Variants in TCIRG1 observed in about 807,000 individuals in gnomAD.
TCIRG1 encodes V-type proton ATPase 116 kDa subunit a 3.
A neutral mutation model predicts 95.5 loss-of-function variants in TCIRG1; 86 were observed. The observed-to-expected ratio is 0.90, with a 90% CI of 0.76 to 1.08. The LOEUF (loss-of-function observed/expected upper bound fraction) is 1.08. Among genes scored for constraint, TCIRG1 ranks in the 50% least tolerant of loss-of-function variants. TCIRG1 has a pLI of 0.00. For synonymous variants in TCIRG1, 499 were observed against 501.3 expected (o/e 1.00, Z 0.06); for missense variants, 1,069 against 1,140.2 (o/e 0.94, Z 0.90).
intron 10 of TCIRG1, among the ~76,000 whole-genome samples, chr11:68,045,808 C>T (rs1855452695): frequency 1.3e-5 from 2 of 152,188 alleles, no homozygotes; most frequent in African/African-American, 2.4e-5. Context: ...CCACACAGGC[C>T]GTTGGGGGCC....
rs540735024 is a variant in TCIRG1, at chr11:68,045,014, C to G, written c.1077C>G (p.Pro359=). 5.6e-6 allele frequency: 9 copies of G among 1,608,600 alleles called. No homozygotes were observed. Among genetic ancestry groups the G allele is most frequent in the South Asian group, 3.3e-5 (3 of 91,086 alleles). Residue 359 remains proline, a synonymous_variant, in exon 10 of 20, where the codon CCC becomes CCG. Coordinates refer to ENST00000265686, the MANE Select transcript of TCIRG1 (RefSeq NM_006019.4). The part of the protein sequence containing the change: ...AHRIPCRDMP[P]TLIRTNRFTA... ...GCATCCCCTGCCGGGACATGCCCCC[C>G]ACACTCATCCGCACCAACCGCTTCA...
chr11:68,047,251 TG>T (rs1238017143), intron 10 of TCIRG1, among the ~76,000 whole-genome samples, 181 bp from the exon 11 acceptor site: 4 of 45,408 alleles, frequency 8.8e-5, no homozygotes, highest in Non-Finnish European at 3.9e-5. Flanking sequence ...CCTCGGGTGA[TG>T]CCCCCCCCCC....
intron 10 of TCIRG1, among the ~76,000 whole-genome samples, chr11:68,046,176 G>A (rs1490431095): frequency 6.6e-6 from 1 of 152,156 alleles, no homozygotes; most frequent in African/African-American, 2.4e-5. Flanking sequence ...GGGCAGACAC[G>A]GTCCCACAGT....
rs528045019 is a variant in TCIRG1, at chr11:68,049,753, C to G, written c.1978C>G (p.Arg660Gly). 1.9e-6 allele frequency: 3 copies of G among 1,577,458 alleles called. No individual in the cohort carries two copies. Among genetic ancestry groups the G allele is most frequent in the Admixed American group, 3.6e-5 (2 of 55,672 alleles). The change falls in exon 16 of 20, where the codon CGC becomes GGC. Residue 660 changes from arginine to glycine, a missense_variant. Physicochemically the swap from Arg to Gly is moderately radical, Grantham distance 125 (BLOSUM62 -2). Coordinates refer to ENST00000265686, the MANE Select transcript of TCIRG1 (RefSeq NM_006019.4). Reference sequence around the variant, plus strand: ...ACCCCTGCACCTGCTGCACCGCCACCGCCGCCGCCTGCGGAGGAGGCCCGC... The same window carrying G: ...ACCCCTGCACCTGCTGCACCGCCACGGCCGCCGCCTGCGGAGGAGGCCCGC... ...GTPLHLLHRHRRRLRRRPADR... is the reference protein window; with the variant it reads ...GTPLHLLHRHGRRLRRRPADR...
At chr11:68,047,390 T>A in intron 10 of TCIRG1, 43 bp from the exon 11 acceptor site, 2 of 1,610,586 alleles carry the variant, frequency 1.2e-6, no homozygotes, top group Non-Finnish European at 1.7e-6. Flanking sequence ...AGGCAGATGC[T>A]GGTGTGTTCG....
chr11:68,048,348 C>T, intron 13 of TCIRG1: 1 of 355,884 alleles, frequency 2.8e-6, no homozygotes, highest in Non-Finnish European at 5.4e-6. Context: ...GGCTGGAGTG[C>T]AGTGGTGTGA....
chr11:68,044,860 C>T, intron 9 of TCIRG1, 98 bp from the exon 10 acceptor site: 1 of 1,494,732 alleles, frequency 6.7e-7, no homozygotes, highest in Non-Finnish European at 9.2e-7. Flanking sequence ...CAGTGAGCCC[C>T]CACAGGGCTC....
At chr11:68,041,868 C>T in intron 3 of TCIRG1, 37 bp downstream of exon 3, 1 of 1,558,900 alleles carries the variant, frequency 6.4e-7, no homozygotes, top group South Asian at 1.2e-5. Flanking sequence ...AGGCAGGCTT[C>T]CTGGAGGAGG....
chr11:68,050,778 T>C lies in TCIRG1; in HGVS notation c.2452T>C (p.Tyr818His), dbSNP rs1338749193. 16 of 1,613,760 alleles carry C rather than the reference T, an allele frequency of 9.9e-6. No individual in the cohort carries two copies. Among genetic ancestry groups the C allele is most frequent in the Non-Finnish European group, 1.3e-5 (15 of 1,180,030 alleles). Residue 818 changes from tyrosine to histidine, a missense_variant, in exon 20 of 20, where the codon TAC becomes CAC. Tyr to His is a moderately conservative substitution (Grantham distance 83, BLOSUM62 2). Coordinates refer to ENST00000265686, the MANE Select transcript of TCIRG1 (RefSeq NM_006019.4). ...FQNKFYSGTG[Y>H]KLSPFTFAAT... is the part of the protein sequence containing the mutation. Reference sequence around the variant, plus strand: ...GAACAAGTTCTACTCAGGCACGGGCTACAAGCTGAGTCCCTTCACCTTCGC... The same window carrying C: ...GAACAAGTTCTACTCAGGCACGGGCCACAAGCTGAGTCCCTTCACCTTCGC...
rs1554998061 is a variant in TCIRG1, at chr11:68,047,774, T to TGGCC, written c.1435_1438dup (p.Ala480GlyfsTer11). On this transcript the variant is annotated frameshift_variant, in exon 12 of 20. Transcript: ENST00000265686. LOFTEE classifies it high-confidence loss of function. ...AGCATCTTCCCCTCGGGCTGGAGTG[T>TGGCC]GGCCGCCATGGCCAACCAGTCTGGC... 1.2e-6 allele frequency: 2 copies of TGGCC among 1,613,024 alleles called. No individual in the cohort carries two copies. Among genetic ancestry groups the TGGCC allele is most frequent in the Non-Finnish European group, 1.7e-6 (2 of 1,179,880 alleles).
chr11:68,050,109 G>C, intron 17 of TCIRG1, 28 bp from the exon 18 acceptor site: 1 of 1,612,230 alleles, frequency 6.2e-7, no homozygotes, highest in Non-Finnish European at 8.5e-7. Context: ...CTGAGGCCCT[G>C]CCGGCCCTCA....
At chr11:68,049,400 G>A in intron 15 of TCIRG1, 106 bp downstream of exon 15, 1 of 1,252,904 alleles carries the variant, frequency 8.0e-7, no homozygotes, top group Non-Finnish European at 1.1e-6. Flanking sequence ...CGGGGATGCA[G>A]GCCCCGGGCC....
chr11:68,040,875 G>A (rs1423263636), intron 1 of TCIRG1, among the ~76,000 whole-genome samples: 2 of 152,094 alleles, frequency 1.3e-5, no homozygotes, highest in Admixed American at 1.3e-4. Flanking sequence ...AGCCACCCCC[G>A]GGGCAGCCCT....
At chr11:68,045,161 G>A (rs924657421) in intron 10 of TCIRG1, 59 bp downstream of exon 10, 12 of 1,593,392 alleles carry the variant, frequency 7.5e-6, no homozygotes, top group Non-Finnish European at 8.5e-6. Context: ...CACTGGGTGG[G>A]TGTGAGCCTG....
In TCIRG1 at chr11:68,047,659, TTC is replaced by T. The variant is rs2134455003; in HGVS notation, c.1320_1321del (p.Phe441GlnfsTer48). 1.2e-6 allele frequency: 2 copies of T among 1,613,440 alleles called. No homozygotes were observed. The highest frequency in any genetic ancestry group is 1.7e-6 in the Non-Finnish European group (2 of 1,179,984). On this transcript the variant is annotated frameshift_variant, in exon 12 of 20. Transcript: ENST00000265686. LOFTEE classifies it high-confidence loss of function. ...KAAQNEIWQTFFRGRYLLLLM... is the reference protein window; with the variant it reads ...KAAQNEIWQTXFRGRYLLLLM... ...ACTGCCCCCCCAGATCTGGCAGACT[TTC>T]TTCAGGGGCCGCTACCTGCTCCTGC...
intron 1 of TCIRG1, among the ~76,000 whole-genome samples, chr11:68,039,456 TCATTTGACTCCAGAGCCCACCC>T (rs1389810279): frequency 6.6e-6 from 1 of 151,912 alleles, no homozygotes; most frequent in Non-Finnish European, 1.5e-5. Flanking sequence ...ACCAGCTGGG[TCATTTGACTCCAGAGCCCACCC>T]CATTTGGAAT....
chr11:68,049,614 G>C, intron 15 of TCIRG1, 49 bp from the exon 16 acceptor site: 5 of 1,586,066 alleles, frequency 3.2e-6, no homozygotes, highest in Non-Finnish European at 4.3e-6. Flanking sequence ...AGGTTCCTTT[G>C]CAGGTGTGCA....
intron 13 of TCIRG1, 121 bp downstream of exon 13, chr11:68,048,093 T>C: frequency 1.1e-6 from 1 of 885,146 alleles, no homozygotes; most frequent in Non-Finnish European, 1.9e-6. Flanking sequence ...CCAGGCCCTT[T>C]CCTCAGCACA....
In TCIRG1 at chr11:68,049,424, C is replaced by T. The variant is rs928213157; in HGVS notation, c.1887+130C>T. 65 of 1,078,372 alleles carry T rather than the reference C, an allele frequency of 6.0e-5. No individual in the cohort carries two copies. In the African/African-American group the frequency reaches 7.6e-4, roughly 13 times the overall value. The allele number at this position is 1,078,372 out of a possible 1,614,324, so 66.8% of individuals were successfully genotyped here. On this transcript the variant is annotated intron_variant, in intron 15 of 19. Transcript: ENST00000265686. ...AGGCCCCGGGCCGTGCAGACAGGGC[C>T]GTCAGAGGTGATGGTGTGCATCTTT...
Sources: allele counts gnomAD v4.1 joint callset (sites outside exome capture counted in the v4.1 genomes callset), GRCh38; gene constraint gnomAD v4.1.1; transcripts MANE v1.5; gene names NCBI Gene and HGNC (gene_info 2026-07-23, HGNC 2026-07-21).